FAM135A: variants seen among roughly 807,000 people sequenced by gnomAD.
FAM135A encodes the protein protein FAM135A.
A neutral mutation model predicts 146.8 loss-of-function variants in FAM135A; 79 were observed. That is an observed-to-expected ratio of 0.54 (90% CI 0.45 to 0.65). The LOEUF (loss-of-function observed/expected upper bound fraction) is 0.65. Among genes scored for constraint, FAM135A ranks in the 30% least tolerant of loss-of-function variants. The pLI, the probability that FAM135A is intolerant of heterozygous loss-of-function variation, is 0.00. For synonymous variants in FAM135A, 562 were observed against 603.6 expected, an observed-to-expected ratio of 0.93 and a Z score of 1.01; for missense variants, 1,623 against 1,758.2, an observed-to-expected ratio of 0.92 and a Z score of 1.38.
intron 1 of FAM135A, 33 bp from the exon 2 acceptor site, chr6:70,415,258 A>G (rs1263773169): frequency 6.6e-6 from 1 of 152,192 alleles, no homozygotes; most frequent in African/African-American, 2.4e-5. Flanking sequence ...CTGCTGAAGC[A>G]ATTATGTTTA....
chr6:70,526,794 C>CGT (rs1561981212), intron 15 of FAM135A, 96 bp downstream of exon 15: 3 of 765,722 alleles, frequency 3.9e-6, no homozygotes, highest in Non-Finnish European at 5.7e-6. Flanking sequence ...CACACACACA[C>CGT]ACACACACAT....
intron 5 of FAM135A, among the ~76,000 whole-genome samples, chr6:70,458,747 G>C (rs1330184423): frequency 6.6e-6 from 1 of 152,108 alleles, no homozygotes; most frequent in African/African-American, 2.4e-5. Flanking sequence ...ACAAGTGTTA[G>C]TTTGAAACAA....
chr6:70,521,354 T>C (rs1438831063), intron 12 of FAM135A, among the ~76,000 whole-genome samples: 1 of 152,188 alleles, frequency 6.6e-6, no homozygotes, highest in African/African-American at 2.4e-5. Flanking sequence ...AAGGAAATCA[T>C]CTTAATAGCC....
At position 70,424,093 on chromosome 6, in the gene FAM135A, G is replaced by C. The variant is rs145249917; in HGVS notation, c.-133-2346G>C. On this transcript the variant is annotated intron_variant, in intron 2 of 21. Coordinates refer to ENST00000418814, the MANE Select transcript of FAM135A (RefSeq NM_001162529.3). The stretch of plus-strand genomic sequence containing the variant: ...TTAATATCCTTAGTTCTGCTTTCTG[G>C]TAAGAATGAATGTCAATATTCATTG... Among the ~76,000 whole-genome samples the C allele has an allele frequency of 5.3e-4, 80 of 152,160 alleles. 1 individual carries two copies. Among genetic ancestry groups the C allele is most frequent in the Admixed American group, 4.4e-3 (68 of 15,288 alleles).
At chr6:70,473,135 C>T (rs1781939547) in intron 5 of FAM135A, among the ~76,000 whole-genome samples, 1 of 151,984 alleles carries the variant, frequency 6.6e-6, no homozygotes. Context: ...TCACTTTGTC[C>T]CAGATATGGC....
At chr6:70,459,433 T>A (rs1394590231) in intron 5 of FAM135A, among the ~76,000 whole-genome samples, 1 of 152,154 alleles carries the variant, frequency 6.6e-6, no homozygotes, top group Admixed American at 6.5e-5. Context: ...AGTCAGGAAA[T>A]ATCTGTCATC....
intron 4 of FAM135A, among the ~76,000 whole-genome samples, chr6:70,437,198 C>A (rs1028229883): frequency 6.6e-6 from 1 of 152,084 alleles, no homozygotes; most frequent in Non-Finnish European, 1.5e-5. Context: ...TAGTACTTAA[C>A]CCAGGGGCTA....
At position 70,533,949 on chromosome 6, in the gene FAM135A, T is replaced by C. The variant is rs1796304068; in HGVS notation, c.3965+95T>C. The C allele has an allele frequency of 9.7e-6, 5 of 515,814 alleles. No homozygotes were observed. In the South Asian group the frequency reaches 2.3e-4, roughly 24 times the overall value. 32.0% of individuals were successfully genotyped at this position (515,814 alleles called of 1,614,324 possible). A position where few individuals can be genotyped will look rare whatever the true frequency, so the allele number is the denominator to read the frequency against. The stretch of plus-strand genomic sequence containing the variant: ...GTGATAGGGTTGTCCTATTCTGAAA[T>C]ATAGGAGACTACAACTCAAATTAAT... On this transcript the variant is annotated intron_variant, in intron 18 of 21. Coordinates refer to ENST00000418814, the MANE Select transcript of FAM135A (RefSeq NM_001162529.3).
intron 5 of FAM135A, among the ~76,000 whole-genome samples, chr6:70,468,592 A>G (rs1051272881): frequency 2.2e-4 from 33 of 152,312 alleles, no homozygotes; most frequent in Non-Finnish European, 2.6e-4. Context: ...CTTTGACCCA[A>G]GAGTCTTGTG....
At chr6:70,461,431 G>A (rs1007449759) in intron 5 of FAM135A, among the ~76,000 whole-genome samples, 7 of 152,262 alleles carry the variant, frequency 4.6e-5, no homozygotes, top group Middle Eastern at 3.4e-3. Context: ...AAACAGTCAT[G>A]TTTTGACTCA....
chr6:70,456,240 A>G (rs919389920), intron 5 of FAM135A, among the ~76,000 whole-genome samples: 6 of 152,216 alleles, frequency 3.9e-5, no homozygotes, highest in African/African-American at 1.4e-4. Context: ...CAGTTACTAT[A>G]TAGTCTTACT....
intron 16 of FAM135A, 65 bp from the exon 17 acceptor site, chr6:70,533,095 T>C (rs1796136755): frequency 7.1e-6 from 9 of 1,262,860 alleles, no homozygotes; most frequent in African/African-American, 1.5e-5. Context: ...TGTAAAAATA[T>C]GTGATGGTGT....
intron 5 of FAM135A, among the ~76,000 whole-genome samples, chr6:70,473,734 GGC>G (rs1782059407): frequency 6.6e-6 from 1 of 152,070 alleles, no homozygotes; most frequent in Non-Finnish European, 1.5e-5. Flanking sequence ...ACCTCAGTAA[GGC>G]CTTGTGCCAG....
Position 70,480,999 on chromosome 6 carries a change from T to C in FAM135A, c.641T>C (p.Ile214Thr), listed in dbSNP as rs1260778826. ...ACTCTTGAAAGTGTGGTCTTTGGTATTAACTACACAAAACAGTTATCACCA... is the reference window on the plus strand; with the variant it reads ...ACTCTTGAAAGTGTGGTCTTTGGTACTAACTACACAAAACAGTTATCACCA... ...IPTLESVVFG[I>T]NYTKQLSPDG... The change falls in exon 9 of 22, where the codon ATT becomes ACT. Residue 214 changes from isoleucine (I) to threonine (T), a missense_variant. Physicochemically the swap from Ile to Thr is moderately conservative, Grantham distance 89 (BLOSUM62 -1). Around this residue, in one of 7 missense-constraint regions of FAM135A, gnomAD observed 206 missense variants for 194.7 expected, o/e 1.06. Transcript: ENST00000418814. 6.2e-7 allele frequency: 1 copy of C among 1,611,028 alleles called. No individual in the cohort carries two copies. Among genetic ancestry groups the C allele is most frequent in the Non-Finnish European group, 8.5e-7 (1 of 1,178,610 alleles).
chr6:70,417,236 A>G (rs1767755644), intron 2 of FAM135A, among the ~76,000 whole-genome samples: 1 of 152,108 alleles, frequency 6.6e-6, no homozygotes. Context: ...TTATGTTATA[A>G]ATATATTGAT....
intron 12 of FAM135A, among the ~76,000 whole-genome samples, chr6:70,517,906 G>T (rs534392282): frequency 1.6e-4 from 24 of 152,124 alleles, no homozygotes; most frequent in African/African-American, 5.5e-4. Flanking sequence ...CTCTACTTGG[G>T]TCTCCATATT....
At chr6:70,546,593 G>A (rs919769305) in intron 20 of FAM135A, among the ~76,000 whole-genome samples, 1 of 152,050 alleles carries the variant, frequency 6.6e-6, no homozygotes, top group African/African-American at 2.4e-5. Flanking sequence ...TGTGTGTTTT[G>A]TAAAACAATT....
At chr6:70,499,047 A>C (rs111450829) in intron 11 of FAM135A, among the ~76,000 whole-genome samples, 1 of 152,010 alleles carries the variant, frequency 6.6e-6, no homozygotes, top group African/African-American at 2.4e-5. Flanking sequence ...TGCCTGTCTC[A>C]TTGATCTGTC....
chr6:70,494,811 G>C (rs1431001440), intron 11 of FAM135A, among the ~76,000 whole-genome samples: 1 of 152,098 alleles, frequency 6.6e-6, no homozygotes, highest in African/African-American at 2.4e-5. Flanking sequence ...AGAATAAAAA[G>C]AGAGTTGTGT....
Sources: gnomAD v4.1 joint callset for allele counts (sites outside exome capture counted in the v4.1 genomes callset) on GRCh38, gnomAD v4.1.1 for gene constraint, gnomAD v4.1.1 regional missense constraint, MANE v1.5 for transcripts, NCBI Gene and HGNC (gene_info 2026-07-23, HGNC 2026-07-21) for gene names.